Variants in LAMC3 observed in about 807,000 individuals in gnomAD.
LAMC3 encodes the protein laminin subunit gamma 3.
Under a neutral mutation model 173.8 loss-of-function variants are expected in LAMC3, and 128 were observed. The ratio of observed to expected loss-of-function variants is 0.74; its 90% CI spans 0.64 to 0.85. The LOEUF (loss-of-function observed/expected upper bound fraction) is 0.85. LAMC3 is among the 40% of genes least tolerant of loss of function. The pLI, the probability that LAMC3 is intolerant of heterozygous loss-of-function variation, is 0.00. For synonymous variants in LAMC3, 897 were observed against 909.1 expected (o/e 0.99, Z 0.24); for missense variants, 2,022 against 2,156.0 (o/e 0.94, Z 1.23).
intron 23 of LAMC3, among the ~76,000 whole-genome samples, chr9:131,081,594 C>T (rs1365324668): frequency 6.6e-6 from 1 of 152,138 alleles, no homozygotes; most frequent in Admixed American, 6.5e-5. Flanking sequence ...CCTCAGCCTC[C>T]CCCAGTAGCT....
Position 131,055,487 on chromosome 9 carries a change from T to C in LAMC3, c.1940-1442T>C, listed in dbSNP as rs550204958. Among the ~76,000 whole-genome samples, 838 of 142,542 alleles carry C rather than the reference T, an allele frequency of 5.9e-3. 5 individuals are homozygous for C. Among genetic ancestry groups the C allele is most frequent in the Middle Eastern group, 0.036 (10 of 276 alleles). The allele number at this position is 142,542 out of a possible 152,430, so 93.5% of individuals were successfully genotyped here. ...TCACCCAGGCTGGAGTGCAGTGGCA[T>C]GATCTCTGCTCACTGCAAGCTCCGC... is the stretch of plus-strand genomic sequence containing the variant. On this transcript the variant is annotated intron_variant, in intron 11 of 27. Coordinates refer to ENST00000361069, the MANE Select transcript of LAMC3 (RefSeq NM_006059.4).
chr9:131,009,562 C>T lies in LAMC3; in HGVS notation c.348C>T (p.Thr116=). 6.4e-7 allele frequency: 1 copy of T among 1,571,930 alleles called. No homozygotes were observed. Among genetic ancestry groups the T allele is most frequent in the Non-Finnish European group, 8.6e-7 (1 of 1,159,544 alleles). ...TGGCCTTCGGCGTGCAGTACCCCAC[C>T]TCGGTCAACATCACCCTCCGCCTAG... ...PSMAFGVQYP[T]SVNITLRLGK... is the part of the protein sequence containing the mutation. The change falls in exon 1 of 28, where the codon ACC becomes ACT. Residue 116 remains threonine (T), a synonymous_variant. Coordinates refer to ENST00000361069, the MANE Select transcript of LAMC3 (RefSeq NM_006059.4). This position sits in a 1 kb window ranked among gnomAD's most constrained non-coding sequence, Gnocchi z 4.3.
intron 27 of LAMC3, among the ~76,000 whole-genome samples, chr9:131,090,199 C>G (rs1443831174): frequency 6.6e-6 from 1 of 152,142 alleles, no homozygotes; most frequent in East Asian, 1.9e-4. Context: ...TGCAGGTAGC[C>G]ACTAGTCGAC....
intron 1 of LAMC3, among the ~76,000 whole-genome samples, chr9:131,021,486 G>C (rs1399803992): frequency 6.6e-6 from 1 of 152,084 alleles, no homozygotes; most frequent in Non-Finnish European, 1.5e-5. Context: ...ATATATAACT[G>C]TGTAGGGAAA....
chr9:131,067,980 C>G, intron 14 of LAMC3, 98 bp from the exon 15 acceptor site: 1 of 1,314,792 alleles, frequency 7.6e-7, no homozygotes, highest in Non-Finnish European at 1.1e-6. Flanking sequence ...CGTATCATCT[C>G]TGGAGGCTCC....
chr9:131,054,802 G>A (rs372421858), intron 11 of LAMC3, among the ~76,000 whole-genome samples: 25 of 133,508 alleles, frequency 1.9e-4, no homozygotes, highest in African/African-American at 7.5e-4. Context: ...GAGAGAGAGA[G>A]AGTGAGAGAG....
At chr9:131,030,637 G>A (rs1439854260) in intron 2 of LAMC3, among the ~76,000 whole-genome samples, 1 of 152,160 alleles carries the variant, frequency 6.6e-6, no homozygotes, top group Non-Finnish European at 1.5e-5. Flanking sequence ...CTACTTCAGG[G>A]TTACCGTGAG....
chr9:131,073,918 G>A (rs1830078881), intron 20 of LAMC3, among the ~76,000 whole-genome samples: 1 of 136,260 alleles, frequency 7.3e-6, no homozygotes, highest in Non-Finnish European at 1.5e-5. Flanking sequence ...GCTTTGCACA[G>A]TGTTTTCTTT....
intron 9 of LAMC3, 45 bp downstream of exon 9, chr9:131,049,175 C>T (rs908678307): frequency 2.7e-6 from 3 of 1,110,718 alleles, no homozygotes; most frequent in Admixed American, 4.0e-5. Flanking sequence ...GTGTCGGTTC[C>T]TCCTGCTGCT....
chr9:131,025,149 C>T (rs1396086444), intron 1 of LAMC3, among the ~76,000 whole-genome samples: 1 of 152,152 alleles, frequency 6.6e-6, no homozygotes, highest in Admixed American at 6.5e-5. Flanking sequence ...TCTCCCGCGC[C>T]CGCACCCCAG....
At chr9:131,068,758 A>T in intron 15 of LAMC3, 150 bp from the exon 16 acceptor site, 1 of 764,368 alleles carries the variant, frequency 1.3e-6, no homozygotes, top group South Asian at 1.8e-5. Context: ...TCCAGAGCAC[A>T]GCTGGGGAAG....
chr9:131,031,085 G>A (rs1564367492), intron 2 of LAMC3, among the ~76,000 whole-genome samples: 1 of 152,264 alleles, frequency 6.6e-6, no homozygotes, highest in South Asian at 2.1e-4. Context: ...GTCCCCGGCA[G>A]TAGCTCCGGT....
rs1218481057 is a variant in LAMC3, at chr9:131,092,714, T to G, written c.*927T>G. The stretch of plus-strand genomic sequence containing the variant: ...CGCCTCTGTGCCCCCGGCAACCCAG[T>G]TGACCTTTAATTGACGCTTTCCAGA... On this transcript the variant is annotated 3_prime_UTR_variant, in exon 28 of 28. Coordinates refer to ENST00000361069, the MANE Select transcript of LAMC3 (RefSeq NM_006059.4). The G allele has an allele frequency of 6.6e-6, 1 of 152,314 alleles. No individual in the cohort carries two copies. Among genetic ancestry groups the G allele is most frequent in the Non-Finnish European group, 1.5e-5 (1 of 68,102 alleles). The allele number at this position is 152,314 out of a possible 1,614,324, so 9.4% of individuals were successfully genotyped here.
intron 23 of LAMC3, among the ~76,000 whole-genome samples, chr9:131,079,668 T>C (rs1387731563): frequency 1.3e-5 from 2 of 151,904 alleles, no homozygotes; most frequent in Non-Finnish European, 2.9e-5. Context: ...CACTCCAGTC[T>C]GGCAACAGAG....
intron 13 of LAMC3, among the ~76,000 whole-genome samples, chr9:131,065,473 G>A (rs953704874): frequency 6.6e-6 from 1 of 152,176 alleles, no homozygotes; most frequent in Non-Finnish European, 1.5e-5. Context: ...CAGCTAAGAG[G>A]GGGATGAGGA....
intron 11 of LAMC3, among the ~76,000 whole-genome samples, chr9:131,055,427 T>C (rs540829024): frequency 1.2e-4 from 16 of 138,658 alleles, no homozygotes; most frequent in Admixed American, 1.4e-4. Flanking sequence ...TTCTTTCTTT[T>C]TTTTTTTTTT....
chr9:131,091,371 G>A (rs576375136), intron 27 of LAMC3, among the ~76,000 whole-genome samples, 166 bp from the exon 28 acceptor site: 1 of 152,362 alleles, frequency 6.6e-6, no homozygotes. Context: ...GATGCTATGG[G>A]TCCTCACCCA....
At chr9:131,045,469 C>T in intron 7 of LAMC3, 55 bp from the exon 8 acceptor site, 1 of 1,607,938 alleles carries the variant, frequency 6.2e-7, no homozygotes, top group Admixed American at 1.7e-5. Flanking sequence ...CCTGGCCCCG[C>T]CCCTTCCTGG....
chr9:131,031,061 G>A (rs1409267286), intron 2 of LAMC3, among the ~76,000 whole-genome samples: 4 of 152,224 alleles, frequency 2.6e-5, no homozygotes. Context: ...GGCATCCTCT[G>A]GCAGAGGCCC....
Sources: gnomAD v4.1 joint callset for allele counts (sites outside exome capture counted in the v4.1 genomes callset) on GRCh38, gnomAD v4.1.1 for gene constraint, Gnocchi (gnomAD v3.1) non-coding constraint, MANE v1.5 for transcripts, NCBI Gene and HGNC (gene_info 2026-07-23, HGNC 2026-07-21) for gene names.